OPCML: variants seen among roughly 807,000 people sequenced by gnomAD.
OPCML encodes the protein opioid-binding protein/cell adhesion molecule.
Under a neutral mutation model 37.8 loss-of-function variants are expected in OPCML, and 13 were observed. The ratio of observed to expected loss-of-function variants is 0.34; its 90% CI spans 0.22 to 0.55. OPCML has a LOEUF of 0.55. OPCML is among the 20% of genes least tolerant of loss of function. The pLI, the probability that OPCML is intolerant of heterozygous loss-of-function variation, is 0.91. For synonymous variants in OPCML, 176 were observed against 168.8 expected, an observed-to-expected ratio of 1.04 and a Z score of -0.33; for missense variants, 341 against 435.6, an observed-to-expected ratio of 0.78 and a Z score of 1.93.
intron 1 of OPCML, among the ~76,000 whole-genome samples, chr11:133,069,673 T>C (rs1948494294): frequency 6.6e-6 from 1 of 152,182 alleles, no homozygotes; most frequent in African/African-American, 2.4e-5. Flanking sequence ...GTTTCCAAAG[T>C]GGACAAATGG....
Position 133,356,281 on chromosome 11 carries a change from G to A in OPCML, c.61+175983C>T, listed in dbSNP as rs374028499. ...ATAGAACTAACATCCGATTATAGGT[G>A]AAGGATGTTTTCTATTTTGTGATTA... On this transcript the variant is annotated intron_variant, in intron 1 of 7. Coordinates refer to ENST00000524381, the MANE Select transcript of OPCML (RefSeq NM_001012393.5). Among the ~76,000 whole-genome samples the A allele has an allele frequency of 4.9e-4, 75 of 152,338 alleles. 1 individual carries two copies. In the East Asian group the frequency reaches 0.013, roughly 27 times the overall value.
intron 1 of OPCML, among the ~76,000 whole-genome samples, chr11:133,039,799 G>A (rs1947852964): frequency 6.6e-6 from 1 of 152,092 alleles, no homozygotes; most frequent in South Asian, 2.1e-4. Context: ...GGAGGCCAAG[G>A]CGGGCACATC....
At chr11:133,070,610 A>T (rs953687772) in intron 1 of OPCML, among the ~76,000 whole-genome samples, 1 of 152,210 alleles carries the variant, frequency 6.6e-6, no homozygotes, top group Non-Finnish European at 1.5e-5. Flanking sequence ...AATTCCAAAG[A>T]AGGTGCAACT....
intron 3 of OPCML, among the ~76,000 whole-genome samples, chr11:132,568,672 G>C (rs578255885): frequency 1.3e-5 from 2 of 152,292 alleles, no homozygotes; most frequent in African/African-American, 4.8e-5. Flanking sequence ...TGGAACCTCA[G>C]AGAAGAATGG....
At chr11:132,883,028 T>C (rs1374243724) in intron 2 of OPCML, among the ~76,000 whole-genome samples, 1 of 152,156 alleles carries the variant, frequency 6.6e-6, no homozygotes, top group Non-Finnish European at 1.5e-5. Flanking sequence ...GCTGCGACAG[T>C]TGAAAAAGAA....
At chr11:132,497,956 C>T (rs1000019039) in intron 4 of OPCML, among the ~76,000 whole-genome samples, 1 of 152,166 alleles carries the variant, frequency 6.6e-6, no homozygotes, top group African/African-American at 2.4e-5. Flanking sequence ...ATGAATAGAT[C>T]TCTTCAAAAA....
chr11:132,790,550 G>T (rs889368011), intron 2 of OPCML, among the ~76,000 whole-genome samples: 1 of 152,168 alleles, frequency 6.6e-6, no homozygotes. Flanking sequence ...TTCTCTTACT[G>T]GTTCCTTCAC....
chr11:132,978,902 T>C (rs532569948), intron 1 of OPCML, among the ~76,000 whole-genome samples: 1 of 152,326 alleles, frequency 6.6e-6, no homozygotes, highest in South Asian at 2.1e-4. Context: ...TCCACTTGAA[T>C]TTTTAGTAGG....
intron 2 of OPCML, among the ~76,000 whole-genome samples, chr11:132,899,571 G>T (rs1479181348): frequency 6.6e-6 from 1 of 152,132 alleles, no homozygotes; most frequent in Admixed American, 6.5e-5. Context: ...ATGGTTTAAT[G>T]GGATGCAAAC....
intron 1 of OPCML, among the ~76,000 whole-genome samples, chr11:133,286,829 T>C (rs1333856318): frequency 6.6e-6 from 1 of 152,178 alleles, no homozygotes; most frequent in African/African-American, 2.4e-5. Flanking sequence ...TAAATAATAA[T>C]TGCATACATG....
intron 3 of OPCML, among the ~76,000 whole-genome samples, chr11:132,567,350 TC>T (rs1424982315): frequency 1.3e-5 from 2 of 152,192 alleles, no homozygotes; most frequent in Non-Finnish European, 2.9e-5. Context: ...GTACCTGTGG[TC>T]CTCTAAACTG....
chr11:133,045,282 G>T (rs1396695417), intron 1 of OPCML, among the ~76,000 whole-genome samples: 1 of 152,198 alleles, frequency 6.6e-6, no homozygotes, highest in Non-Finnish European at 1.5e-5. Flanking sequence ...TCCTGAGATG[G>T]TTGGCCCTTC....
At chr11:132,435,482 C>T (rs551097163) in intron 7 of OPCML, among the ~76,000 whole-genome samples, 97 of 152,298 alleles carry the variant, frequency 6.4e-4, no homozygotes, top group South Asian at 1.4e-3. Context: ...ATGGATGCGG[C>T]AGTGTGGGAA....
At chr11:133,458,496 G>A (rs1445899639) in intron 1 of OPCML, among the ~76,000 whole-genome samples, 2 of 89,334 alleles carry the variant, frequency 2.2e-5, no homozygotes, top group East Asian at 2.7e-4. Context: ...ATATATACAC[G>A]TGTGTGTGTA....
intron 1 of OPCML, among the ~76,000 whole-genome samples, chr11:133,100,417 T>C (rs539912352): frequency 6.6e-6 from 1 of 152,248 alleles, no homozygotes; most frequent in Non-Finnish European, 1.5e-5. Context: ...CCAAACAAAA[T>C]ACCAGCAAGT....
chr11:132,788,651 C>T (rs1002282789), intron 2 of OPCML, among the ~76,000 whole-genome samples: 3 of 152,206 alleles, frequency 2.0e-5, no homozygotes, highest in Non-Finnish European at 4.4e-5. Context: ...AGGACAGGCA[C>T]TTAACTAAGG....
At chr11:132,857,939 G>A (rs1942127556) in intron 2 of OPCML, among the ~76,000 whole-genome samples, 1 of 152,102 alleles carries the variant, frequency 6.6e-6, no homozygotes, top group African/African-American at 2.4e-5. Flanking sequence ...TTACCCTGGG[G>A]AGACAGGTGT....
At chr11:132,573,407 T>G (rs1486462165) in intron 3 of OPCML, among the ~76,000 whole-genome samples, 1 of 152,022 alleles carries the variant, frequency 6.6e-6, no homozygotes, top group East Asian at 1.9e-4. Flanking sequence ...TTTATCATGT[T>G]GATATATTTT....
intron 2 of OPCML, among the ~76,000 whole-genome samples, chr11:132,771,160 T>A (rs1174603690): frequency 6.6e-6 from 1 of 152,022 alleles, no homozygotes; most frequent in Non-Finnish European, 1.5e-5. Flanking sequence ...CATGGAAAAA[T>A]AGGTTAGTTA....
Sources: allele counts gnomAD v4.1 joint callset (sites outside exome capture counted in the v4.1 genomes callset), GRCh38; gene constraint gnomAD v4.1.1; transcripts MANE v1.5; gene names NCBI Gene and HGNC (gene_info 2026-07-23, HGNC 2026-07-21).